The following MYO18A variants were observed in gnomAD, a reference collection of about 807,000 sequenced individuals.
MYO18A encodes the protein myosin XVIIIA.
A neutral mutation model predicts 235.8 loss-of-function variants in MYO18A; 78 were observed. The ratio of observed to expected loss-of-function variants is 0.33; its 90% CI spans 0.28 to 0.40. The LOEUF is 0.40. Ranked by LOEUF, MYO18A falls within the 10% of genes least tolerant of loss-of-function variation. The probability of loss-of-function intolerance (pLI) is 1.00; values close to 1 mark genes in which losing one functional copy is unlikely to be tolerated. For missense variants in MYO18A, 2,215 were observed against 2,699.3 expected (o/e 0.82, Z 3.98); for synonymous variants, 977 against 1,077.8 (o/e 0.91, Z 1.83).
At chr17:29,160,631 A>G (rs1207297875) in intron 2 of MYO18A, among the ~76,000 whole-genome samples, 1 of 152,238 alleles carries the variant, frequency 6.6e-6, no homozygotes, top group Non-Finnish European at 1.5e-5. Flanking sequence ...AACTTTGGTA[A>G]AACCCAAACC....
intron 2 of MYO18A, among the ~76,000 whole-genome samples, chr17:29,152,300 C>T (rs2067978013): frequency 6.6e-6 from 1 of 151,984 alleles, no homozygotes; most frequent in African/African-American, 2.4e-5. Flanking sequence ...GTAGAAAGAC[C>T]AAAAAGTAGG....
intron 28 of MYO18A, 94 bp from the exon 29 acceptor site, chr17:29,095,153 G>A (rs2066491303): frequency 6.9e-7 from 1 of 1,444,754 alleles, no homozygotes; most frequent in African/African-American, 1.4e-5. Context: ...CAGGACTCAA[G>A]CAGGGGTGGG....
rs752998128 is a variant in MYO18A at position 29,094,722 on chromosome 17, G to A, written c.4638C>T (p.Asp1546=). Residue 1546 remains aspartate (D), a synonymous_variant, in exon 30 of 42, where the codon GAC becomes GAT. Coordinates refer to ENST00000527372, the MANE Select transcript of MYO18A (RefSeq NM_078471.4). The stretch of plus-strand genomic sequence containing the variant: ...CCTGATCCTTGACTTTGGCCTCCAG[G>A]TCCCGGAGCTGTTTCTTGACCTTGG... The part of the protein sequence containing the change: ...SLAKVKKQLR[D]LEAKVKDQEE... 1 of 1,614,006 alleles carries A rather than the reference G, an allele frequency of 6.2e-7. No individual in the cohort carries two copies. Among genetic ancestry groups the A allele is most frequent in the South Asian group, 1.1e-5 (1 of 91,086 alleles).
Position 29,109,911 on chromosome 17 carries a change from C to A in MYO18A, c.3278G>T (p.Arg1093Leu). The change falls in exon 19 of 42, where the codon CGC (arginine) becomes CTC (leucine). Residue 1093 changes from arginine to leucine, a missense_variant. By Grantham distance (102) the Arg-to-Leu change is moderately radical. Coordinates refer to ENST00000527372, the MANE Select transcript of MYO18A (RefSeq NM_078471.4). This position sits in a 1 kb window ranked among gnomAD's most constrained non-coding sequence, Gnocchi z 4.1. ...GLLQLDVPLLRTQLRGSRLLD... is the reference protein window; with the variant it reads ...GLLQLDVPLLLTQLRGSRLLD... ...CAGGCGGGAGCCGCGGAGCTGGGTG[C>A]GGAGCAGGGGCACGTCGAGCTGCAG... is the stretch of plus-strand genomic sequence containing the variant. The A allele has an allele frequency of 6.3e-7, 1 of 1,586,782 alleles. No homozygotes were observed. Among genetic ancestry groups the A allele is most frequent in the Non-Finnish European group, 8.6e-7 (1 of 1,166,744 alleles).
intron 24 of MYO18A, 24 bp from the exon 25 acceptor site, chr17:29,098,248 C>A: frequency 6.2e-7 from 1 of 1,613,676 alleles, no homozygotes; most frequent in Non-Finnish European, 8.5e-7. Context: ...TAGGGAGTCA[C>A]CACCAGTTGA....
In MYO18A at chr17:29,166,792, C is replaced by A. The variant is rs1223483881; in HGVS notation, c.149G>T (p.Arg50Leu). 3 of 1,610,466 alleles carry A rather than the reference C, an allele frequency of 1.9e-6. No homozygotes were observed. The highest frequency in any genetic ancestry group is 2.7e-5 in the African/African-American group (2 of 74,806). ...SLRRGFFNLN[R>L]SSKRESKTRL... is the part of the protein sequence containing the mutation. ...CGTCTTGGATTCACGCTTGGAGGAG[C>A]GGTTCAGGTTGAAGAAGCCACGTCG... The change falls in exon 2 of 42, where the codon CGC becomes CTC. Residue 50 changes from arginine (R) to leucine (L), a missense_variant. Transcript: ENST00000527372.
In MYO18A at chr17:29,090,918, C is replaced by T; in HGVS notation, c.5196G>A (p.Glu1732=). ...DIAKAKTALE[E]QLSRLQREKN... ...TCTCACGCTGAAGGCGGCTCAGCTG[C>T]TCCTCCAGCTGGAGAGAGGCAAAGA... is the stretch of plus-strand genomic sequence containing the variant. The change falls in exon 35 of 42, where the codon GAG becomes GAA. Residue 1732 remains glutamate (E), a synonymous_variant. Transcript: ENST00000527372. 6.2e-7 allele frequency: 1 copy of T among 1,613,566 alleles called. No homozygotes were observed. Among genetic ancestry groups the T allele is most frequent in the East Asian group, 2.2e-5 (1 of 44,882 alleles).
At chr17:29,080,140 C>T (rs2066082899) in intron 41 of MYO18A, 2 of 985,930 alleles carry the variant, frequency 2.0e-6, no homozygotes, top group Non-Finnish European at 2.4e-6. Context: ...GCTGGCAGCT[C>T]GCTCCGGGGG....
intron 2 of MYO18A, chr17:29,127,826 G>A (rs979551371): frequency 2.0e-6 from 2 of 983,748 alleles, no homozygotes; most frequent in African/African-American, 3.5e-5. Flanking sequence ...TGAGGGGCAG[G>A]AGCGGTTAGT....
chr17:29,176,102 G>C (rs891029841), intron 1 of MYO18A, among the ~76,000 whole-genome samples: 1 of 152,150 alleles, frequency 6.6e-6, no homozygotes, highest in Non-Finnish European at 1.5e-5. Context: ...AAATTTATCA[G>C]TGGTCATCTC....
chr17:29,085,331 T>C (rs762832574), intron 40 of MYO18A, among the ~76,000 whole-genome samples: 3 of 152,180 alleles, frequency 2.0e-5, no homozygotes, highest in Non-Finnish European at 4.4e-5. Context: ...ACTTCTCAAA[T>C]AGGCTGCGCT....
chr17:29,153,292 G>T (rs2067996416), intron 2 of MYO18A, among the ~76,000 whole-genome samples: 1 of 151,780 alleles, frequency 6.6e-6, no homozygotes, highest in Admixed American at 6.6e-5. Flanking sequence ...GCTAATTTTT[G>T]TATCTTTAAT....
At chr17:29,086,803 C>T in intron 38 of MYO18A, 133 bp downstream of exon 38, 1 of 1,211,630 alleles carries the variant, frequency 8.3e-7, no homozygotes, top group Non-Finnish European at 1.1e-6. Flanking sequence ...TGATATGCTC[C>T]TCCTCCCTCC....
At chr17:29,175,753 A>G (rs2068510727) in intron 1 of MYO18A, among the ~76,000 whole-genome samples, 1 of 152,154 alleles carries the variant, frequency 6.6e-6, no homozygotes, top group Non-Finnish European at 1.5e-5. Flanking sequence ...TAAAATATAT[A>G]TAACAAGCTT....
intron 1 of MYO18A, among the ~76,000 whole-genome samples, chr17:29,179,192 C>A (rs1178464338): frequency 1.3e-5 from 2 of 152,190 alleles, no homozygotes; most frequent in Non-Finnish European, 2.9e-5. Flanking sequence ...CAAACACATG[C>A]CCCATTGGCA....
chr17:29,171,676 C>A (rs890642417), intron 1 of MYO18A, among the ~76,000 whole-genome samples: 1 of 151,380 alleles, frequency 6.6e-6, no homozygotes, highest in African/African-American at 2.4e-5. Flanking sequence ...GGGCAGATCG[C>A]TTGAGCTCAG....
At position 29,087,062 on chromosome 17, in the gene MYO18A, G is replaced by A. The variant is rs778974088; in HGVS notation, c.5586C>T (p.Arg1862=). The change falls in exon 38 of 42, where the codon CGC becomes CGT. Residue 1862 remains arginine, a synonymous_variant. Transcript: ENST00000527372. ...MEKLTEERDQ[R]IAAENREKEQ... ...CCTTCTCCCGGTTCTCGGCTGCAAT[G>A]CGCTGATCCCGCTCCTCAGTCAGCT... 1.9e-6 allele frequency: 3 copies of A among 1,613,898 alleles called. No homozygotes were observed. The highest frequency in any genetic ancestry group is 2.5e-6 in the Non-Finnish European group (3 of 1,179,904).
At chr17:29,094,901 G>A (rs2066484277) in intron 29 of MYO18A, 35 bp downstream of exon 29, 2 of 1,613,462 alleles carry the variant, frequency 1.2e-6, no homozygotes, top group East Asian at 2.2e-5. Context: ...GGTTGTGAGG[G>A]GGACAGGGCA....
intron 20 of MYO18A, among the ~76,000 whole-genome samples, chr17:29,105,041 A>T (rs1299610316): frequency 1.3e-5 from 2 of 151,876 alleles, no homozygotes; most frequent in African/African-American, 2.4e-5. Flanking sequence ...TTAGCTGGGC[A>T]TGGGCCTGTA....
Sources: allele counts gnomAD v4.1 joint callset (sites outside exome capture counted in the v4.1 genomes callset), GRCh38; gene constraint gnomAD v4.1.1; non-coding constraint Gnocchi (gnomAD v3.1); transcripts MANE v1.5; gene names NCBI Gene and HGNC (gene_info 2026-07-23, HGNC 2026-07-21).